FRMD4A: variants seen among roughly 807,000 people sequenced by gnomAD.
FRMD4A encodes the protein FERM domain-containing protein 4A.
In FRMD4A, 29 loss-of-function variants were observed where a neutral mutation model predicts 129.1. The ratio of observed to expected loss-of-function variants is 0.22; its 90% CI spans 0.17 to 0.31. The LOEUF (loss-of-function observed/expected upper bound fraction) is 0.31, where lower values mean the gene tolerates loss of function less well. Ranked by LOEUF, FRMD4A falls within the 10% of genes least tolerant of loss-of-function variation. The probability of loss-of-function intolerance (pLI) is 1.00; values close to 1 mark genes in which losing one functional copy is unlikely to be tolerated. For missense variants in FRMD4A, 1,272 were observed against 1,375.8 expected (o/e 0.92, Z 1.19); for synonymous variants, 634 against 571.6 (o/e 1.11, Z -1.56).
intron 2 of FRMD4A, among the ~76,000 whole-genome samples, chr10:14,024,026 AG>A (rs1420485288): frequency 1.3e-5 from 2 of 152,150 alleles, no homozygotes; most frequent in African/African-American, 4.8e-5. Context: ...TGGTTCATTC[AG>A]GGAATAGCTA....
chr10:14,226,742 C>T (rs544179709), intron 2 of FRMD4A, among the ~76,000 whole-genome samples: 65 of 152,280 alleles, frequency 4.3e-4, no homozygotes, highest in African/African-American at 1.5e-3. Context: ...CTCATCAAAT[C>T]CATGGAACTG....
Position 14,053,226 on chromosome 10 carries a change from T to G in FRMD4A, c.46-194314A>C, listed in dbSNP as rs115769429. On this transcript the variant is annotated intron_variant, in intron 2 of 24. Coordinates refer to ENST00000357447, the MANE Select transcript of FRMD4A (RefSeq NM_018027.5). ...AGGAAAAGAGGTCATACACCTGTTG[T>G]TTCTACAGAATGGTGTATTAGCATA... Among the ~76,000 whole-genome samples the G allele has an allele frequency of 3.6e-3, 552 of 152,312 alleles. 4 individuals carry two copies. Among genetic ancestry groups the G allele is most frequent in the African/African-American group, 0.013 (530 of 41,548 alleles).
At chr10:14,055,512 C>T (rs147985442) in intron 2 of FRMD4A, among the ~76,000 whole-genome samples, 167 of 151,608 alleles carry the variant, frequency 1.1e-3, no homozygotes, top group Admixed American at 1.8e-3. Flanking sequence ...AGACCTAAGA[C>T]AGTGAATTGC....
chr10:13,996,020 G>T (rs1051947354), intron 2 of FRMD4A, among the ~76,000 whole-genome samples: 1 of 152,112 alleles, frequency 6.6e-6, no homozygotes. Flanking sequence ...TCATAGTTCT[G>T]GAAGCTGGAA....
chr10:13,856,023 TATCTATCTATCTATC>T (rs2094207538), intron 3 of FRMD4A, among the ~76,000 whole-genome samples: 1 of 123,360 alleles, frequency 8.1e-6, no homozygotes, highest in South Asian at 2.7e-4. Context: ...ACTATCTATC[TATCTATCTATCTATC>T]TATCTATCTA....
chr10:14,033,733 C>T (rs1371261881), intron 2 of FRMD4A, among the ~76,000 whole-genome samples: 1 of 147,376 alleles, frequency 6.8e-6, no homozygotes, highest in African/African-American at 2.5e-5. Flanking sequence ...TGCAGTGAGC[C>T]GAGATCGTGT....
chr10:14,053,939 C>A (rs1834382737), intron 2 of FRMD4A, among the ~76,000 whole-genome samples: 1 of 152,120 alleles, frequency 6.6e-6, no homozygotes, highest in African/African-American at 2.4e-5. Context: ...CCCAGGAGCT[C>A]CAGGCTGCAG....
chr10:14,060,178 G>A (rs78603077), intron 2 of FRMD4A, among the ~76,000 whole-genome samples: 7,587 of 152,224 alleles, frequency 0.05, 317 homozygotes, highest in East Asian at 0.13. Context: ...TCCATTTTCT[G>A]TAGTGTGGCA....
intron 2 of FRMD4A, among the ~76,000 whole-genome samples, chr10:14,181,349 C>T (rs1052080684): frequency 2.8e-4 from 42 of 152,168 alleles, no homozygotes; most frequent in Middle Eastern, 6.8e-3. Flanking sequence ...GAGAAGAAAA[C>T]CGACAGCTGC....
chr10:13,695,298 G>A (rs944098168), intron 14 of FRMD4A, among the ~76,000 whole-genome samples: 12 of 151,918 alleles, frequency 7.9e-5, no homozygotes, highest in Non-Finnish European at 1.6e-4. Flanking sequence ...CCACCACCAC[G>A]CCCAGCTAAT....
intron 2 of FRMD4A, among the ~76,000 whole-genome samples, chr10:14,108,488 G>A (rs1273132223): frequency 6.6e-6 from 1 of 152,160 alleles, no homozygotes. Context: ...TTGGAAATGG[G>A]TCTGAATTGG....
chr10:13,879,429 C>T (rs2094523458), intron 2 of FRMD4A, among the ~76,000 whole-genome samples: 1 of 152,074 alleles, frequency 6.6e-6, no homozygotes, highest in African/African-American at 2.4e-5. Context: ...GGGAGAATCA[C>T]TTGAGCCCAG....
intron 4 of FRMD4A, among the ~76,000 whole-genome samples, chr10:13,803,104 G>C (rs1476268297): frequency 1.4e-5 from 2 of 141,942 alleles, no homozygotes; most frequent in Non-Finnish European, 3.0e-5. Flanking sequence ...AGCCGAGATG[G>C]CACCACTGCA....
chr10:14,008,403 A>G (rs1313322983), intron 2 of FRMD4A: 11 of 1,027,346 alleles, frequency 1.1e-5, no homozygotes, highest in Non-Finnish European at 1.3e-5. Flanking sequence ...ACGAAGCAGC[A>G]TCTCTAGCTT....
intron 2 of FRMD4A, among the ~76,000 whole-genome samples, chr10:14,003,030 A>T (rs544082569): frequency 6.6e-6 from 1 of 152,208 alleles, no homozygotes. Flanking sequence ...ATCCTGAGGC[A>T]GGGAGCCACT....
At chr10:13,994,437 A>G (rs1403735139) in intron 2 of FRMD4A, among the ~76,000 whole-genome samples, 1 of 151,970 alleles carries the variant, frequency 6.6e-6, no homozygotes, top group African/African-American at 2.4e-5. Context: ...TCGGCCTCCC[A>G]AAGTACTGGG....
intron 5 of FRMD4A, among the ~76,000 whole-genome samples, chr10:13,794,391 CAAAA>C (rs5783349): frequency 2.4e-4 from 25 of 102,936 alleles, no homozygotes; most frequent in African/African-American, 9.1e-4. Flanking sequence ...GAATCCGTCT[CAAAA>C]AAAAAAAAAA....
intron 3 of FRMD4A, among the ~76,000 whole-genome samples, chr10:13,813,034 T>C (rs2093475723): frequency 6.6e-6 from 1 of 152,234 alleles, no homozygotes; most frequent in Admixed American, 6.5e-5. Flanking sequence ...GTAAATGCTG[T>C]GTTTGCCATG....
intron 12 of FRMD4A, among the ~76,000 whole-genome samples, chr10:13,731,290 T>A (rs1265111362): frequency 6.6e-6 from 1 of 152,054 alleles, no homozygotes; most frequent in South Asian, 2.1e-4. Flanking sequence ...GGAAACATCA[T>A]TGGGTGAAGG....
Sources: gnomAD v4.1 joint callset for allele counts (sites outside exome capture counted in the v4.1 genomes callset) on GRCh38, gnomAD v4.1.1 for gene constraint, MANE v1.5 for transcripts, NCBI Gene and HGNC (gene_info 2026-07-23, HGNC 2026-07-21) for gene names.